Variants in KRT71 observed in about 807,000 individuals in gnomAD.
KRT71 encodes keratin 71, also known as keratin, type II cytoskeletal 71.
KRT71 carries 42 observed loss-of-function variants against 46.2 expected under a neutral mutation model. That is an observed-to-expected ratio of 0.91 (90% CI 0.71 to 1.18). The LOEUF (loss-of-function observed/expected upper bound fraction) is 1.18, where lower values mean the gene tolerates loss of function less well. Among genes scored for constraint, KRT71 ranks in the 50% most tolerant of loss-of-function variants. The pLI is 0.00. For synonymous variants in KRT71, 292 were observed against 277.8 expected (o/e 1.05, Z -0.51); for missense variants, 708 against 677.9 (o/e 1.04, Z -0.49).
chr12:52,548,121 C>T (rs1270241897), intron 5 of KRT71, 31 bp downstream of exon 5: 3 of 1,608,038 alleles, frequency 1.9e-6, no homozygotes, highest in African/African-American at 2.7e-5. Context: ...GCTGGCATCA[C>T]CCTCCCTGGC....
chr12:52,549,912 T>G (rs1242109598), intron 2 of KRT71, 117 bp downstream of exon 2: 2 of 1,193,664 alleles, frequency 1.7e-6, no homozygotes, highest in Non-Finnish European at 2.4e-6. Context: ...CTGCTTGATA[T>G]GACCAAGAAC....
chr12:52,548,144 C>T lies in KRT71; in HGVS notation c.978+8G>A. On this transcript the variant is annotated splice_region_variant and intron_variant, in intron 5 of 8. Transcript: ENST00000267119. ...CACCCTCCCTGGCCCCACCTCAGCC[C>T]AGCTCACCTTGGTCTGGTACAGGGC... The T allele has an allele frequency of 6.2e-7, 1 of 1,612,180 alleles. No homozygotes were observed. The highest frequency in any genetic ancestry group is 8.5e-7 in the Non-Finnish European group (1 of 1,178,908).
At chr12:52,552,513 A>T in intron 1 of KRT71, 124 bp downstream of exon 1, 1 of 993,024 alleles carries the variant, frequency 1.0e-6, no homozygotes, top group Non-Finnish European at 1.5e-6. Flanking sequence ...GGATGTACCT[A>T]CCTTGTCCAC....
intron 3 of KRT71, 66 bp downstream of exon 3, chr12:52,549,227 T>G (rs564686914): frequency 1.6e-6 from 2 of 1,248,472 alleles, no homozygotes; most frequent in African/African-American, 2.9e-5. Context: ...ACAGAGCACC[T>G]TGGCAGGCTC....
At chr12:52,549,391 C>A in intron 2 of KRT71, 38 bp from the exon 3 acceptor site, 1 of 1,557,912 alleles carries the variant, frequency 6.4e-7, no homozygotes, top group Non-Finnish European at 8.9e-7. Flanking sequence ...TAATATCTCA[C>A]TGAAAGCCCT....
Position 52,546,495 on chromosome 12 carries a change from C to CAGGTTGG in KRT71, c.1109_1115dup (p.Glu373GlnfsTer8). 1 of 1,613,958 alleles carries CAGGTTGG rather than the reference C, an allele frequency of 6.2e-7. No individual in the cohort carries two copies. Among genetic ancestry groups the CAGGTTGG allele is most frequent in the South Asian group, 1.1e-5 (1 of 91,062 alleles). Reference sequence around the variant, plus strand: ...GCTCAGCATCAGCGATGGCTGTCTCCAGGTTGGAAGCCTAAGGAAGGAATT... The same window carrying CAGGTTGG: ...GCTCAGCATCAGCGATGGCTGTCTCCAGGTTGGAGGTTGGAAGCCTAAGGAAGGAATT... On this transcript the variant is annotated frameshift_variant, in exon 7 of 9. Transcript: ENST00000267119. LOFTEE classifies it high-confidence loss of function.
At chr12:52,552,442 G>T (rs1262921447) in intron 1 of KRT71, among the ~76,000 whole-genome samples, 195 bp downstream of exon 1, 1 of 152,234 alleles carries the variant, frequency 6.6e-6, no homozygotes, top group Non-Finnish European at 1.5e-5. Context: ...AAATTGACCT[G>T]CCTCTGTTTT....
chr12:52,549,017 C>T lies in KRT71; in HGVS notation c.718-221G>A, dbSNP rs147534935. Among the ~76,000 whole-genome samples, 1,205 of 152,268 alleles carry T rather than the reference C, an allele frequency of 7.9e-3. 15 individuals are homozygous for T. The highest frequency in any genetic ancestry group is 0.028 in the African/African-American group (1,145 of 41,554). On this transcript the variant is annotated intron_variant, in intron 3 of 8. Transcript: ENST00000267119. ...CGCCTGTGGTGTCTGAGCTGGGTCC[C>T]GGGGCTGCAGGGGAGCCCCTCAGTG... is the stretch of plus-strand genomic sequence containing the variant.
At chr12:52,550,636 A>G (rs966830466) in intron 1 of KRT71, among the ~76,000 whole-genome samples, 1 of 152,242 alleles carries the variant, frequency 6.6e-6, no homozygotes, top group African/African-American at 2.4e-5. Flanking sequence ...ATTTCAGGGC[A>G]TGTCAGAGCT....
chr12:52,550,792 T>C (rs1939156007), intron 1 of KRT71, among the ~76,000 whole-genome samples: 1 of 152,206 alleles, frequency 6.6e-6, no homozygotes, highest in South Asian at 2.1e-4. Flanking sequence ...ACATGGAACA[T>C]GATGGACAGA....
chr12:52,545,861 G>A (rs939055353), intron 7 of KRT71, among the ~76,000 whole-genome samples: 2 of 152,158 alleles, frequency 1.3e-5, no homozygotes, highest in Non-Finnish European at 2.9e-5. Flanking sequence ...CCTCCCACGT[G>A]TCAGGTCCAC....
intron 8 of KRT71, among the ~76,000 whole-genome samples, chr12:52,544,952 C>A (rs544081439): frequency 3.5e-4 from 53 of 152,172 alleles, no homozygotes; most frequent in Non-Finnish European, 6.3e-4. Context: ...GAGTCTTGCC[C>A]CATTAATGCT....
intron 4 of KRT71, 27 bp from the exon 5 acceptor site, chr12:52,548,343 C>G: frequency 6.3e-7 from 1 of 1,585,772 alleles, no homozygotes; most frequent in Non-Finnish European, 8.6e-7. Flanking sequence ...AATGGTCTCT[C>G]GGCTCAACTG....
In KRT71 at chr12:52,544,448, T is replaced by C. The variant is rs1939019990; in HGVS notation, c.*84A>G. On this transcript the variant is annotated 3_prime_UTR_variant, in exon 9 of 9. Transcript: ENST00000267119. ...GGGAGCAGGACCAGCAGGGTGGAGATGGAGCTGAGAGTGGGCTGTGGGAAG... is the reference window on the plus strand; with the variant it reads ...GGGAGCAGGACCAGCAGGGTGGAGACGGAGCTGAGAGTGGGCTGTGGGAAG... 2 of 1,237,006 alleles carry C rather than the reference T, an allele frequency of 1.6e-6. No individual in the cohort carries two copies. Among genetic ancestry groups the C allele is most frequent in the African/African-American group, 3.0e-5 (2 of 67,784 alleles). 76.6% of individuals were successfully genotyped at this position (1,237,006 alleles called of 1,614,324 possible).
intron 1 of KRT71, among the ~76,000 whole-genome samples, chr12:52,552,252 A>G (rs1252320568): frequency 6.6e-6 from 1 of 152,228 alleles, no homozygotes; most frequent in Non-Finnish European, 1.5e-5. Context: ...TGGGCAAGTG[A>G]CCAGTGGGCA....
rs140270040 is a variant in KRT71, at chr12:52,552,654, C to T, written c.424G>A (p.Ala142Thr). Residue 142 changes from alanine (A) to threonine (T), a missense_variant, in exon 1 of 9, where the codon GCC (alanine) becomes ACC (threonine). By Grantham distance (58) the Ala-to-Thr change is moderately conservative (BLOSUM62 0). Transcript: ENST00000267119. The part of the protein sequence containing the change: ...EQIKALNNKF[A>T]SFIDKVRFLE... ...AGACCCACCTTGTCGATGAAGGAGG[C>T]GAACTTGTTGTTCAGAGCCTTGATC... is the stretch of plus-strand genomic sequence containing the variant. 25 of 1,611,014 alleles carry T rather than the reference C, an allele frequency of 1.6e-5. No individual in the cohort carries two copies. Among genetic ancestry groups the T allele is most frequent in the Admixed American group, 5.0e-5 (3 of 59,588 alleles).
chr12:52,546,563 A>G, intron 6 of KRT71, 57 bp from the exon 7 acceptor site: 1 of 1,547,200 alleles, frequency 6.5e-7, no homozygotes, highest in Non-Finnish European at 8.8e-7. Context: ...AACCATCCAC[A>G]TCCAATCCCT....
intron 1 of KRT71, among the ~76,000 whole-genome samples, chr12:52,551,164 A>G (rs947753308): frequency 1.3e-5 from 2 of 152,176 alleles, no homozygotes; most frequent in African/African-American, 4.8e-5. Flanking sequence ...ACCACAATAC[A>G]CACCTGCACT....
Position 52,553,097 on chromosome 12 carries a change from C to T in KRT71, c.-20G>A. On this transcript the variant is annotated 5_prime_UTR_variant, in exon 1 of 9. Transcript: ENST00000267119. ...GCTCATGTTGCTGGTGGAGACAAAG[C>T]TCAGATGCAGGAGGGAGGAAGGCAA... The T allele has an allele frequency of 1.3e-6, 2 of 1,554,756 alleles. No homozygotes were observed. Among genetic ancestry groups the T allele is most frequent in the Non-Finnish European group, 1.7e-6 (2 of 1,151,404 alleles).
Sources: gnomAD v4.1 joint callset for allele counts (sites outside exome capture counted in the v4.1 genomes callset) on GRCh38, gnomAD v4.1.1 for gene constraint, MANE v1.5 for transcripts, NCBI Gene and HGNC (gene_info 2026-07-23, HGNC 2026-07-21) for gene names.